The following RP1 variants were observed in gnomAD, a reference collection of about 807,000 sequenced individuals.
RP1 encodes RP1 axonemal microtubule associated.
RP1 carries 16 observed loss-of-function variants against 14.8 expected under a neutral mutation model. That is an observed-to-expected ratio of 1.08 (90% CI 0.73 to 1.65). The LOEUF (loss-of-function observed/expected upper bound fraction) is 1.65, where lower values mean the gene tolerates loss of function less well. Ranked by LOEUF, RP1 falls within the 40% of genes most tolerant of loss-of-function variation. The pLI is 0.00. For synonymous variants in RP1, 876 were observed against 883.6 expected (o/e 0.99, Z 0.15); for missense variants, 2,631 against 2,535.0 (o/e 1.04, Z -0.81).
intron 1 of RP1, among the ~76,000 whole-genome samples, chr8:54,589,398 C>G (rs151259593): frequency 5.3e-5 from 8 of 152,032 alleles, no homozygotes; most frequent in African/African-American, 1.9e-4. Flanking sequence ...CTCTCAGACT[C>G]TTGGAATATA....
chr8:54,653,829 G>A (rs1806703739), intron 5 of RP1, among the ~76,000 whole-genome samples: 1 of 152,082 alleles, frequency 6.6e-6, no homozygotes, highest in African/African-American at 2.4e-5. Context: ...ATTCTTAAAT[G>A]ATCATATATG....
At chr8:54,560,618 G>C in intron 1 of RP1, 1 of 152,076 alleles carries the variant, frequency 6.6e-6, no homozygotes, top group East Asian at 2.0e-4. Flanking sequence ...CAAGCGTTGC[G>C]CAGTGGTTCA....
chr8:54,818,222 A>T (rs1811179268), intron 24 of RP1, among the ~76,000 whole-genome samples: 1 of 152,222 alleles, frequency 6.6e-6, no homozygotes, highest in Admixed American at 6.5e-5. Context: ...TGCATTCTTC[A>T]TTTGCATGCA....
intron 27 of RP1, among the ~76,000 whole-genome samples, chr8:54,863,642 T>C (rs1812399058): frequency 6.6e-6 from 1 of 152,242 alleles, no homozygotes; most frequent in South Asian, 2.1e-4. Flanking sequence ...CTCTACAAAG[T>C]CATCTTTATT....
intron 7 of RP1, among the ~76,000 whole-genome samples, chr8:54,673,449 A>G (rs1024572443): frequency 2.0e-5 from 3 of 152,146 alleles, no homozygotes; most frequent in Admixed American, 6.6e-5. Flanking sequence ...TTTACAATCA[A>G]TTTTTACTGG....
chr8:54,810,826 G>T (rs150987160), intron 24 of RP1, among the ~76,000 whole-genome samples: 2 of 152,262 alleles, frequency 1.3e-5, no homozygotes, highest in Non-Finnish European at 2.9e-5. Context: ...GGCATAAAAG[G>T]TGGCACCATT....
intron 12 of RP1, among the ~76,000 whole-genome samples, chr8:54,689,679 A>T (rs1807663007): frequency 6.6e-6 from 1 of 152,126 alleles, no homozygotes. Context: ...TACTTGAAAC[A>T]AATAAAGGCA....
At chr8:54,657,829 C>T (rs529218524) in intron 6 of RP1, among the ~76,000 whole-genome samples, 42 of 152,206 alleles carry the variant, frequency 2.8e-4, no homozygotes, top group African/African-American at 9.4e-4. Flanking sequence ...TATTTTCCTG[C>T]GAAGGATAAA....
At chr8:54,843,329 G>T (rs186353895) in intron 25 of RP1, among the ~76,000 whole-genome samples, 10 of 152,258 alleles carry the variant, frequency 6.6e-5, no homozygotes, top group African/African-American at 2.2e-4. Context: ...TGATCCACCC[G>T]CTTCGGCCTC....
intron 18 of RP1, among the ~76,000 whole-genome samples, chr8:54,737,597 G>A (rs781698302): frequency 6.6e-6 from 1 of 152,076 alleles, no homozygotes; most frequent in African/African-American, 2.4e-5. Context: ...ATAAGGAAGT[G>A]GGGGGAAATT....
At chr8:54,561,661 G>A (rs1203671874) in intron 1 of RP1, 1 of 152,160 alleles carries the variant, frequency 6.6e-6, no homozygotes, top group Non-Finnish European at 1.5e-5. Context: ...TGATTAACTG[G>A]CAGAAATGTG....
At chr8:54,869,831 T>C (rs1470733854) in intron 28 of RP1, 1 of 1,181,654 alleles carries the variant, frequency 8.5e-7, no homozygotes, top group Non-Finnish European at 1.1e-6. Flanking sequence ...TCTTCTTTTT[T>C]TTGCATGGCA....
chr8:54,668,862 T>C (rs950449328), intron 7 of RP1, among the ~76,000 whole-genome samples: 13 of 152,144 alleles, frequency 8.5e-5, no homozygotes, highest in African/African-American at 3.1e-4. Flanking sequence ...CCTTACACCT[T>C]ATACAAAAAT....
At chr8:54,658,880 A>G (rs1585586109) in intron 6 of RP1, among the ~76,000 whole-genome samples, 1 of 119,422 alleles carries the variant, frequency 8.4e-6, no homozygotes, top group African/African-American at 4.0e-5. Context: ...TCTCCCCAAC[A>G]CTTGTTTTTT....
chr8:54,708,165 G>A (rs1808196112), intron 15 of RP1, among the ~76,000 whole-genome samples: 2 of 152,210 alleles, frequency 1.3e-5, no homozygotes, highest in Admixed American at 1.3e-4. Flanking sequence ...TGTAATACAT[G>A]CTTTTGTGTT....
chr8:54,664,299 A>G (rs1268102192), intron 7 of RP1, among the ~76,000 whole-genome samples: 3 of 152,166 alleles, frequency 2.0e-5, no homozygotes, highest in Non-Finnish European at 4.4e-5. Flanking sequence ...TCATTGATTA[A>G]TGGACATTTG....
intron 24 of RP1, among the ~76,000 whole-genome samples, chr8:54,796,802 T>C (rs777259422): frequency 6.6e-6 from 1 of 152,090 alleles, no homozygotes; most frequent in Non-Finnish European, 1.5e-5. Flanking sequence ...CAGTTTGTTA[T>C]GAAAACCCTA....
At chr8:54,856,642 A>G (rs778284757) in intron 26 of RP1, among the ~76,000 whole-genome samples, 1 of 152,170 alleles carries the variant, frequency 6.6e-6, no homozygotes, top group Non-Finnish European at 1.5e-5. Flanking sequence ...TGAGAAAGTG[A>G]GTAGTACTGA....
At chr8:54,763,179 C>T (rs1277431374) in intron 22 of RP1, among the ~76,000 whole-genome samples, 2 of 152,120 alleles carry the variant, frequency 1.3e-5, no homozygotes, top group East Asian at 1.9e-4. Context: ...ATTGTGTATG[C>T]ATGTGTATAT....
Sources: gnomAD v4.1 joint callset for allele counts (sites outside exome capture counted in the v4.1 genomes callset) on GRCh38, gnomAD v4.1.1 for gene constraint, MANE v1.5 for transcripts, NCBI Gene and HGNC (gene_info 2026-07-23, HGNC 2026-07-21) for gene names.